The following FNIP2 variants were observed in gnomAD, a reference collection of about 807,000 sequenced individuals.
The protein encoded by FNIP2 is folliculin interacting protein 2, also known as folliculin-interacting protein 2.
A neutral mutation model predicts 108.7 loss-of-function variants in FNIP2; 32 were observed. The ratio of observed to expected loss-of-function variants is 0.29; its 90% confidence interval spans 0.22 to 0.40. FNIP2 has a LOEUF of 0.40. FNIP2 is among the 10% of genes least tolerant of loss of function. FNIP2 has a pLI of 1.00. For synonymous variants in FNIP2, 480 were observed against 496.7 expected (o/e 0.97, Z 0.45); for missense variants, 1,202 against 1,381.6 (o/e 0.87, Z 2.06).
intron 1 of FNIP2, among the ~76,000 whole-genome samples, chr4:158,791,640 AC>A (rs1341597513): frequency 6.6e-6 from 1 of 152,162 alleles, no homozygotes; most frequent in African/African-American, 2.4e-5. Flanking sequence ...CAGAAATGTT[AC>A]CAGTTATAAC....
intron 14 of FNIP2, among the ~76,000 whole-genome samples, chr4:158,871,174 C>T (rs1047886727): frequency 2.0e-5 from 3 of 152,154 alleles, no homozygotes; most frequent in Non-Finnish European, 2.9e-5. Context: ...GAAAAAATTG[C>T]CTCGTGGCTG....
At chr4:158,874,269 T>A (rs1781127615) in intron 14 of FNIP2, among the ~76,000 whole-genome samples, 1 of 152,052 alleles carries the variant, frequency 6.6e-6, no homozygotes, top group Non-Finnish European at 1.5e-5. Flanking sequence ...CTTGGGCAAG[T>A]TTCTTTAATT....
chr4:158,838,419 C>T (rs966892280), intron 7 of FNIP2, among the ~76,000 whole-genome samples: 35 of 151,936 alleles, frequency 2.3e-4, no homozygotes, highest in African/African-American at 8.5e-4. Flanking sequence ...TGGAGTTTCG[C>T]CATGTTGCTC....
chr4:158,875,515 GAT>G lies in FNIP2; in HGVS notation c.2949+5071_2949+5072del, dbSNP rs56389652. On this transcript the variant is annotated intron_variant, in intron 14 of 16. Transcript: ENST00000264433. ...AGAGCTTTGCTAAAAGCCTGGCTGT[GAT>G]ATATATATATATATATATATATATG... is the stretch of plus-strand genomic sequence containing the variant. Among the ~76,000 whole-genome samples, 89 of 112,006 alleles carry G rather than the reference GAT, an allele frequency of 7.9e-4. 8 individuals are homozygous for G. Among genetic ancestry groups the G allele is most frequent in the African/African-American group, 4.3e-3 (84 of 19,598 alleles). 73.5% of individuals were successfully genotyped at this position (112,006 alleles called of 152,430 possible).
chr4:158,856,882 A>C (rs923473464), intron 8 of FNIP2, among the ~76,000 whole-genome samples: 4 of 152,210 alleles, frequency 2.6e-5, no homozygotes, highest in Non-Finnish European at 5.9e-5. Flanking sequence ...TTTTTTGTAG[A>C]ATAATTTCTA....
chr4:158,869,557 C>A, intron 13 of FNIP2, 129 bp downstream of exon 13: 1 of 1,272,984 alleles, frequency 7.9e-7, no homozygotes, highest in Non-Finnish European at 1.1e-6. Flanking sequence ...CCACAAAGTA[C>A]TAGAAGTATT....
Position 158,869,028 on chromosome 4 carries a change from G to A in FNIP2, c.2392G>A (p.Asp798Asn). The change falls in exon 13 of 17, where the codon GAC (aspartate) becomes AAC (asparagine). Residue 798 changes from aspartate to asparagine, a missense_variant. Around this residue, in one of 5 missense-constraint regions of FNIP2, gnomAD observed 878 missense variants for 990.3 expected, o/e 0.89. Transcript: ENST00000264433. ...EGESDKGFAE[D>N]RGSRNDMAAD... ...CGAGTCTGACAAGGGTTTTGCAGAG[G>A]ACAGAGGCAGCAGAAACGACATGGC... is the stretch of plus-strand genomic sequence containing the variant. 6.2e-7 allele frequency: 1 copy of A among 1,614,034 alleles called. No homozygotes were observed. The highest frequency in any genetic ancestry group is 1.1e-5 in the South Asian group (1 of 91,086).
chr4:158,884,457 G>T (rs982875506), intron 14 of FNIP2, among the ~76,000 whole-genome samples: 3 of 152,216 alleles, frequency 2.0e-5, no homozygotes, highest in Non-Finnish European at 2.9e-5. Flanking sequence ...TGGACAGCAA[G>T]TATTCTCAGA....
At chr4:158,825,096 G>C (rs1778083760) in intron 1 of FNIP2, among the ~76,000 whole-genome samples, 1 of 152,214 alleles carries the variant, frequency 6.6e-6, no homozygotes. Context: ...TAATTGCTGA[G>C]TCTCTAGCAG....
chr4:158,826,131 T>C, intron 2 of FNIP2, 89 bp downstream of exon 2: 1 of 1,486,998 alleles, frequency 6.7e-7, no homozygotes, highest in Middle Eastern at 2.0e-4. Flanking sequence ...ATCTTCTCTT[T>C]GAGTTATATT....
At chr4:158,845,503 ATCC>A (rs1183116507) in intron 7 of FNIP2, among the ~76,000 whole-genome samples, 2 of 152,230 alleles carry the variant, frequency 1.3e-5, no homozygotes, top group South Asian at 2.1e-4. Context: ...GGCTTGAGCT[ATCC>A]TCCTGCCTCA....
At chr4:158,820,155 A>AAATAT (rs1429709212) in intron 1 of FNIP2, among the ~76,000 whole-genome samples, 4 of 152,104 alleles carry the variant, frequency 2.6e-5, no homozygotes, top group African/African-American at 9.7e-5. Context: ...ATCATTCCTG[A>AAATAT]CTGTTTAAAT....
At chr4:158,808,974 A>T (rs1332515816) in intron 1 of FNIP2, among the ~76,000 whole-genome samples, 1 of 152,212 alleles carries the variant, frequency 6.6e-6, no homozygotes, top group Non-Finnish European at 1.5e-5. Context: ...TTCATGTAGC[A>T]TGACACATTT....
chr4:158,840,426 C>T (rs1191264631), intron 7 of FNIP2, among the ~76,000 whole-genome samples: 8 of 151,416 alleles, frequency 5.3e-5, no homozygotes, highest in Admixed American at 2.6e-4. Context: ...GACAAGGTTT[C>T]GCTTTGTCAC....
chr4:158,813,384 G>T (rs1777387869), intron 1 of FNIP2, among the ~76,000 whole-genome samples: 1 of 152,160 alleles, frequency 6.6e-6, no homozygotes, highest in African/African-American at 2.4e-5. Context: ...ATTCTAATAG[G>T]CATGTAGTAG....
chr4:158,837,381 A>G (rs982415553), intron 7 of FNIP2, among the ~76,000 whole-genome samples: 2 of 152,190 alleles, frequency 1.3e-5, no homozygotes, highest in African/African-American at 4.8e-5. Context: ...CTGTAACCTT[A>G]TTTATTTGTT....
At chr4:158,874,997 G>A (rs896268070) in intron 14 of FNIP2, among the ~76,000 whole-genome samples, 4 of 150,352 alleles carry the variant, frequency 2.7e-5, no homozygotes, top group Admixed American at 6.6e-5. Flanking sequence ...TGAGGCAGGA[G>A]AATTGCTTGA....
At chr4:158,833,757 T>C in intron 6 of FNIP2, 129 bp downstream of exon 6, 1 of 1,468,862 alleles carries the variant, frequency 6.8e-7, no homozygotes, top group South Asian at 1.2e-5. Flanking sequence ...ATTTTTTTTG[T>C]ATGTGTACTT....
chr4:158,897,454 A>G (rs1782795591), intron 16 of FNIP2, among the ~76,000 whole-genome samples: 1 of 152,234 alleles, frequency 6.6e-6, no homozygotes, highest in South Asian at 2.1e-4. Context: ...TTAGACTCCC[A>G]TCAACAGTGT....
Sources: allele counts gnomAD v4.1 joint callset (sites outside exome capture counted in the v4.1 genomes callset), GRCh38; gene constraint gnomAD v4.1.1; regional missense constraint gnomAD v4.1.1; transcripts MANE v1.5; gene names NCBI Gene and HGNC (gene_info 2026-07-23, HGNC 2026-07-21).